The following SLC38A8 variants were observed in gnomAD, a reference collection of about 807,000 sequenced individuals.
SLC38A8 encodes amino acid transporter SLC38A8.
In SLC38A8, 65 loss-of-function variants were observed where a neutral mutation model predicts 46.0. The observed-to-expected ratio is 1.41, with a 90% CI of 1.16 to 1.74. The LOEUF is 1.74. SLC38A8 is among the 40% of genes most tolerant of loss of function. The probability of loss-of-function intolerance (pLI) is 0.00; values close to 1 mark genes in which losing one functional copy is unlikely to be tolerated. For missense variants in SLC38A8, 998 were observed against 567.9 expected (o/e 1.76, Z -7.70); for synonymous variants, 447 against 243.7 (o/e 1.83, Z -7.77).
At chr16:84,009,932 C>CCA in intron 10 of SLC38A8, 55 bp from the exon 11 acceptor site, 1 of 1,498,990 alleles carries the variant, frequency 6.7e-7, no homozygotes, top group Non-Finnish European at 9.2e-7. Flanking sequence ...CACAAATAAG[C>CCA]CACACACACA....
At chr16:84,009,980 C>G (rs1484175839) in intron 10 of SLC38A8, 103 bp from the exon 11 acceptor site, 2 of 843,426 alleles carry the variant, frequency 2.4e-6, no homozygotes, top group African/African-American at 3.6e-5. Context: ...ATGGAGTCAT[C>G]AATTTGGAAA....
At chr16:84,035,112 T>A (rs1231216460) in intron 3 of SLC38A8, among the ~76,000 whole-genome samples, 2 of 152,198 alleles carry the variant, frequency 1.3e-5, no homozygotes, top group Non-Finnish European at 2.9e-5. Context: ...GTGGCCCGTA[T>A]CCTCATCCGT....
chr16:84,042,984 A>G (rs12921817), upstream of SLC38A8, among the ~76,000 whole-genome samples: 31,496 of 152,042 alleles, frequency 0.21, 3,488 homozygotes, highest in African/African-American at 0.25. Context: ...CAGCGCCTCC[A>G]TCCTCACATA....
chr16:84,041,555 C>T (rs916758138), intron 2 of SLC38A8, among the ~76,000 whole-genome samples: 1 of 152,192 alleles, frequency 6.6e-6, no homozygotes, highest in Non-Finnish European at 1.5e-5. Context: ...TCAGGTGATC[C>T]GTCCACCTTG....
Position 84,023,696 on chromosome 16 carries a change from C to T in SLC38A8, c.691-807G>A, listed in dbSNP as rs894230708. On this transcript the variant is annotated intron_variant, in intron 6 of 10. Coordinates refer to ENST00000299709, the MANE Select transcript of SLC38A8 (RefSeq NM_001080442.3). Reference sequence around the variant, plus strand: ...ATCACTTGAGGTCAGGAGTTTGAGACCAGCCTGGCCAACATGGCAAAATTC... The same window carrying T: ...ATCACTTGAGGTCAGGAGTTTGAGATCAGCCTGGCCAACATGGCAAAATTC... Among the ~76,000 whole-genome samples, 6 of 152,302 alleles carry T rather than the reference C, an allele frequency of 3.9e-5. No homozygotes were observed. In the South Asian group the frequency reaches 1.2e-3, roughly 32 times the overall value.
At chr16:84,020,674 C>T (rs1404014755) in intron 7 of SLC38A8, among the ~76,000 whole-genome samples, 1 of 152,206 alleles carries the variant, frequency 6.6e-6, no homozygotes, top group Non-Finnish European at 1.5e-5. Flanking sequence ...CGTAGGATAG[C>T]CTGTGGAGGC....
chr16:84,025,677 T>G (rs1447824909), intron 6 of SLC38A8, among the ~76,000 whole-genome samples: 2 of 152,160 alleles, frequency 1.3e-5, no homozygotes, highest in African/African-American at 4.8e-5. Flanking sequence ...CTGTCACTCA[T>G]GAGTCCTCCT....
chr16:84,039,679 C>T (rs1348925068), intron 2 of SLC38A8, among the ~76,000 whole-genome samples: 2 of 137,424 alleles, frequency 1.5e-5, no homozygotes, highest in Middle Eastern at 4.2e-3. Context: ...ACCAGGGAGG[C>T]GGAGGTTGCA....
chr16:84,033,728 C>T (rs917199585), intron 3 of SLC38A8, among the ~76,000 whole-genome samples: 14 of 152,292 alleles, frequency 9.2e-5, no homozygotes, highest in South Asian at 2.1e-4. Context: ...CAAGATGAGG[C>T]GATGACCAGA....
intron 7 of SLC38A8, among the ~76,000 whole-genome samples, chr16:84,021,886 G>C (rs1445471052): frequency 6.6e-6 from 1 of 152,260 alleles, no homozygotes; most frequent in Non-Finnish European, 1.5e-5. Flanking sequence ...GAGCCCTGAA[G>C]TGGCGCGCAG....
intron 6 of SLC38A8, among the ~76,000 whole-genome samples, chr16:84,027,931 T>C (rs924506070): frequency 6.6e-6 from 1 of 152,168 alleles, no homozygotes; most frequent in Non-Finnish European, 1.5e-5. Context: ...CTTCAGATCT[T>C]TCAAAATATT....
intron 3 of SLC38A8, among the ~76,000 whole-genome samples, chr16:84,035,373 T>G (rs78758200): frequency 1.3e-5 from 2 of 152,176 alleles, no homozygotes; most frequent in African/African-American, 4.8e-5. Flanking sequence ...AGGGGCCTTT[T>G]GCTTCATGGG....
At position 84,031,914 on chromosome 16, in the gene SLC38A8, G is replaced by A. The variant is rs764094963; in HGVS notation, c.585C>T (p.Tyr195=). Residue 195 remains tyrosine (Y), a synonymous_variant, in exon 5 of 11, where the codon TAC becomes TAT. Coordinates refer to ENST00000299709, the MANE Select transcript of SLC38A8 (RefSeq NM_001080442.3). The stretch of plus-strand genomic sequence containing the variant: ...GCACGAGGCCCTGGGGCCAGAGGTA[G>A]TACTGCACGGTGATGACCAGGGCCA... ...CYLALVITVQ[Y]YLWPQGLVRE... 5 of 1,614,098 alleles carry A rather than the reference G, an allele frequency of 3.1e-6. No homozygotes were observed. Among genetic ancestry groups the A allele is most frequent in the South Asian group, 1.1e-5 (1 of 91,092 alleles).
chr16:84,020,250 C>T (rs2085079405), intron 7 of SLC38A8, among the ~76,000 whole-genome samples: 1 of 151,924 alleles, frequency 6.6e-6, no homozygotes, highest in African/African-American at 2.4e-5. Context: ...AAGTGATCCT[C>T]CCTCCTCCTC....
At chr16:84,023,528 T>C (rs987932260) in intron 6 of SLC38A8, among the ~76,000 whole-genome samples, 1 of 151,396 alleles carries the variant, frequency 6.6e-6, no homozygotes, top group Non-Finnish European at 1.5e-5. Context: ...ACACAGAGCA[T>C]GATGTGGCTC....
intron 6 of SLC38A8, among the ~76,000 whole-genome samples, chr16:84,028,569 AG>A (rs2085194774): frequency 8.8e-6 from 1 of 113,290 alleles, no homozygotes; most frequent in Non-Finnish European, 2.1e-5. Context: ...ACTCAAAAAA[AG>A]AAAAAAAAAA....
Position 84,017,269 on chromosome 16 carries a change from G to T in SLC38A8, c.824C>A (p.Thr275Asn). Residue 275 changes from threonine (T) to asparagine (N), a missense_variant, in exon 8 of 11, where the codon ACT (threonine) becomes AAT (asparagine). Physicochemically the swap from Thr to Asn is moderately conservative, Grantham distance 65. Transcript: ENST00000299709. ...YSLTGVYGFLTFGTEVSADVL... is the reference protein window; with the variant it reads ...YSLTGVYGFLNFGTEVSADVL... ...GTCAGCAGAAACTTCTGTCCCAAAA[G>T]TCAGGAAGCCATAAACCCCTGAAGG... 1.2e-6 allele frequency: 2 copies of T among 1,614,104 alleles called. No individual in the cohort carries two copies. The highest frequency in any genetic ancestry group is 2.2e-5 in the South Asian group (2 of 91,086).
intron 6 of SLC38A8, among the ~76,000 whole-genome samples, chr16:84,025,032 G>C (rs1020909153): frequency 3.9e-5 from 6 of 152,132 alleles, no homozygotes; most frequent in African/African-American, 1.4e-4. Context: ...GAGCCCATGA[G>C]TCATGTGAAT....
intron 9 of SLC38A8, among the ~76,000 whole-genome samples, chr16:84,015,433 G>C (rs1386249534): frequency 6.6e-6 from 1 of 152,028 alleles, no homozygotes; most frequent in Admixed American, 6.6e-5. Context: ...GACATTTGCA[G>C]GGTGCCTTGA....
Sources: allele counts gnomAD v4.1 joint callset (sites outside exome capture counted in the v4.1 genomes callset), GRCh38; gene constraint gnomAD v4.1.1; transcripts MANE v1.5; gene names NCBI Gene and HGNC (gene_info 2026-07-23, HGNC 2026-07-21).